The following ZNF469 variants were observed in gnomAD, a reference collection of about 807,000 sequenced individuals.
ZNF469 encodes the protein zinc finger protein 469.
ZNF469 carries 1 observed loss-of-function variant against 1.0 expected under a neutral mutation model. That is an observed-to-expected ratio of 1.00 (90% CI 0.35 to 4.73). The LOEUF is 4.73. Ranked by LOEUF, ZNF469 falls within the 30% of genes most tolerant of loss-of-function variation. The pLI, the probability that ZNF469 is intolerant of heterozygous loss-of-function variation, is 0.16. For synonymous variants in ZNF469, 2,703 were observed against 2,363.4 expected (o/e 1.14, Z -4.17); for missense variants, 6,100 against 5,356.3 (o/e 1.14, Z -4.33).
chr16:88,275,647 G>C, the ZNF469 span, among the ~76,000 whole-genome samples: 1 of 152,182 alleles, frequency 6.6e-6, no homozygotes, highest in Non-Finnish European at 1.5e-5. Flanking sequence ...GAAAGACCAG[G>C]CTGGTGTCCA....
the ZNF469 span, among the ~76,000 whole-genome samples, chr16:88,271,943 G>A: frequency 1.9e-3 from 289 of 152,218 alleles, 1 homozygote; most frequent in African/African-American, 6.5e-3. Context: ...GTGGGTGGAT[G>A]GATGAATTGT....
chr16:88,122,884 C>G, the ZNF469 span, among the ~76,000 whole-genome samples: 23 of 151,962 alleles, frequency 1.5e-4, no homozygotes, highest in African/African-American at 5.6e-4. Context: ...ACTCTGTCCC[C>G]CAGGCTGGAG....
chr16:88,176,370 A>G, the ZNF469 span, among the ~76,000 whole-genome samples: 5 of 149,258 alleles, frequency 3.3e-5, no homozygotes, highest in South Asian at 2.2e-4. Context: ...AGAGAACATG[A>G]TGGATTGGAC....
At chr16:88,139,269 C>T in the ZNF469 span, among the ~76,000 whole-genome samples, 2 of 151,738 alleles carry the variant, frequency 1.3e-5, no homozygotes, top group Non-Finnish European at 2.9e-5. Context: ...ATCTTTTTGC[C>T]CCCTGGCCTG....
the ZNF469 span, among the ~76,000 whole-genome samples, chr16:88,275,470 A>G: frequency 1.6e-4 from 25 of 152,112 alleles, no homozygotes; most frequent in Admixed American, 1.6e-3. Context: ...TGCTCCTGAG[A>G]TCCCCTCAGA....
Position 88,439,645 on chromosome 16 carries a change from C to T in ZNF469, c.*313C>T. Reference sequence around the variant, plus strand: ...ATCCCCTCAGCCCACACCCCTGCGCCCTGTGGGCACCGACACCACAGAAGC... The same window carrying T: ...ATCCCCTCAGCCCACACCCCTGCGCTCTGTGGGCACCGACACCACAGAAGC... On this transcript the variant is annotated 3_prime_UTR_variant, in exon 3 of 3. Coordinates refer to ENST00000565624, the MANE Select transcript of ZNF469 (RefSeq NM_001367624.2). 2.5e-6 allele frequency: 1 copy of T among 394,586 alleles called. No individual in the cohort carries two copies. The highest frequency in any genetic ancestry group is 4.7e-6 in the Non-Finnish European group (1 of 212,894). The allele number at this position is 394,586 out of a possible 1,614,324, so 24.4% of individuals were successfully genotyped here.
chr16:88,134,667 G>C, the ZNF469 span, among the ~76,000 whole-genome samples: 1 of 152,234 alleles, frequency 6.6e-6, no homozygotes, highest in South Asian at 2.1e-4. Context: ...CCCCGTGTGG[G>C]TGTGCCCGCC....
At chr16:88,293,924 G>GCC in the ZNF469 span, among the ~76,000 whole-genome samples, 1 of 152,198 alleles carries the variant, frequency 6.6e-6, no homozygotes, top group Non-Finnish European at 1.5e-5. Flanking sequence ...GGGTTCACGT[G>GCC]ACACAGGTGG....
At chr16:88,247,805 GTGAGTGAGTGAGTGAA>G in the ZNF469 span, among the ~76,000 whole-genome samples, 2 of 151,622 alleles carry the variant, frequency 1.3e-5, no homozygotes, top group South Asian at 2.1e-4. Flanking sequence ...GAGTGAATGA[GTGAGTGAGTGAGTGAA>G]TGAGTGAGTG....
chr16:88,160,918 G>A, the ZNF469 span, among the ~76,000 whole-genome samples: 5 of 152,172 alleles, frequency 3.3e-5, no homozygotes, highest in South Asian at 2.1e-4. Flanking sequence ...CGAGGTGGGC[G>A]GATCATTTGA....
the ZNF469 span, among the ~76,000 whole-genome samples, chr16:88,192,814 GTGA>G: frequency 3.7e-4 from 56 of 150,220 alleles, no homozygotes; most frequent in Admixed American, 6.0e-4. Flanking sequence ...GGTAATGATG[GTGA>G]TGGTGGTGGT....
At chr16:88,246,395 G>A in the ZNF469 span, among the ~76,000 whole-genome samples, 3 of 152,294 alleles carry the variant, frequency 2.0e-5, no homozygotes, top group East Asian at 5.8e-4. Context: ...GGAGCTGGGG[G>A]ACCAGGAACC....
At chr16:88,379,099 G>A (rs1355997088), upstream of ZNF469, among the ~76,000 whole-genome samples, 2 of 152,166 alleles carry the variant, frequency 1.3e-5, no homozygotes, top group African/African-American at 2.4e-5. Flanking sequence ...CTGGTTACTC[G>A]GTTTCATTTT....
chr16:88,412,231 G>A (rs111303689), intron 1 of ZNF469, among the ~76,000 whole-genome samples: 1,719 of 152,258 alleles, frequency 0.011, 39 homozygotes, highest in African/African-American at 0.039. Context: ...GAAGTAACAC[G>A]TCTGCCAGTC....
At position 88,428,444 on chromosome 16, in the gene ZNF469, C is replaced by T. The variant is rs546224574; in HGVS notation, c.974C>T (p.Pro325Leu). 6.5e-6 allele frequency: 10 copies of T among 1,548,214 alleles called. 1 individual carries two copies. Among genetic ancestry groups the T allele is most frequent in the South Asian group, 2.4e-5 (2 of 84,042 alleles). ...EEAVGTGPAY[P>L]LPTQPAPSPL... is the part of the protein sequence containing the mutation. ...GCCGTGGGCACGGGCCCTGCCTACC[C>T]GCTGCCCACCCAGCCTGCGCCCTCA... Residue 325 changes from proline (P) to leucine (L), a missense_variant, in exon 3 of 3, where the codon CCG (proline) becomes CTG (leucine). Transcript: ENST00000565624.
In ZNF469 at chr16:88,433,862, C is replaced by T. The variant is rs747310515; in HGVS notation, c.6392C>T (p.Pro2131Leu). ...ATGCCCTGCAGCCTTGGGCCCCTGCCCCGTGAAGACCCACTTACCTCGCCT... is the reference window on the plus strand; with the variant it reads ...ATGCCCTGCAGCCTTGGGCCCCTGCTCCGTGAAGACCCACTTACCTCGCCT... ...AHMPCSLGPL[P>L]REDPLTSPSR... The change falls in exon 3 of 3, where the codon CCC becomes CTC. Residue 2131 changes from proline to leucine, a missense_variant. Coordinates refer to ENST00000565624, the MANE Select transcript of ZNF469 (RefSeq NM_001367624.2). 6.5e-7 allele frequency: 1 copy of T among 1,549,250 alleles called. No homozygotes were observed. The highest frequency in any genetic ancestry group is 1.2e-5 in the South Asian group (1 of 83,966).
chr16:88,358,640 G>A, the ZNF469 span, among the ~76,000 whole-genome samples: 1 of 152,174 alleles, frequency 6.6e-6, no homozygotes, highest in Admixed American at 6.5e-5. Context: ...GTCTCTGAGA[G>A]TCACCCCATC....
chr16:88,229,774 C>T, the ZNF469 span, among the ~76,000 whole-genome samples: 2 of 152,064 alleles, frequency 1.3e-5, no homozygotes, highest in Non-Finnish European at 2.9e-5. Flanking sequence ...CAAACTGCTT[C>T]CCACAACAAT....
the ZNF469 span, among the ~76,000 whole-genome samples, chr16:88,307,120 G>A: frequency 6.6e-6 from 1 of 152,136 alleles, no homozygotes; most frequent in African/African-American, 2.4e-5. Context: ...CTTTGAAGCT[G>A]GTGTCTTTTA....
Sources: allele counts gnomAD v4.1 joint callset (sites outside exome capture counted in the v4.1 genomes callset), GRCh38; gene constraint gnomAD v4.1.1; transcripts MANE v1.5; gene names NCBI Gene and HGNC (gene_info 2026-07-23, HGNC 2026-07-21).